PRDM16: variants seen among roughly 807,000 people sequenced by gnomAD.
PRDM16 encodes histone-lysine N-methyltransferase PRDM16.
A neutral mutation model predicts 110.6 loss-of-function variants in PRDM16; 23 were observed. The ratio of observed to expected loss-of-function variants is 0.21; its 90% confidence interval spans 0.15 to 0.29. The LOEUF is 0.29. PRDM16 is among the 10% of genes least tolerant of loss of function. The probability of loss-of-function intolerance (pLI) is 1.00; values close to 1 mark genes in which losing one functional copy is unlikely to be tolerated. For synonymous variants in PRDM16, 799 were observed against 781.8 expected (o/e 1.02, Z -0.37); for missense variants, 1,615 against 1,794.3 (o/e 0.90, Z 1.81).
chr1:3,204,783 G>C (rs554555188), intron 2 of PRDM16, among the ~76,000 whole-genome samples: 1 of 152,348 alleles, frequency 6.6e-6, no homozygotes, highest in South Asian at 2.1e-4. Flanking sequence ...ACCCTTGAAG[G>C]CCCTTGGGAG....
rs1370411671 is a variant in PRDM16, at chr1:3,085,137, T to C, written c.37+15841T>C. 3.3e-5 allele frequency among the ~76,000 whole-genome samples: 5 copies of C among 152,166 alleles called. No homozygotes were observed. In the East Asian group the frequency reaches 9.6e-4, roughly 29 times the overall value. ...CCCCAGGCTGGTGCCCAGGACCTAC[T>C]CCGACCTAGAACGTTCGTGCAGGTG... is the stretch of plus-strand genomic sequence containing the variant. On this transcript the variant is annotated intron_variant, in intron 1 of 16. Transcript: ENST00000270722.
chr1:3,146,506 A>AGT, intron 1 of PRDM16, among the ~76,000 whole-genome samples: 1 of 136,832 alleles, frequency 7.3e-6, no homozygotes, highest in Non-Finnish European at 1.6e-5. Flanking sequence ...TATGTGTGCA[A>AGT]GTGTGTGTGC....
chr1:3,396,326 G>A (rs796496297), intron 4 of PRDM16, 165 bp from the exon 5 acceptor site: 6 of 690,830 alleles, frequency 8.7e-6, no homozygotes, highest in Middle Eastern at 2.3e-4. Flanking sequence ...TTCCTTCTGC[G>A]CATACTCTGC....
intron 3 of PRDM16, among the ~76,000 whole-genome samples, chr1:3,362,035 G>A (rs1642722874): frequency 6.6e-6 from 1 of 152,134 alleles, no homozygotes; most frequent in Non-Finnish European, 1.5e-5. Context: ...AGTGACTGTG[G>A]CCCGGGAGGG....
At chr1:3,072,911 G>A (rs1416573289) in intron 1 of PRDM16, among the ~76,000 whole-genome samples, 2 of 152,278 alleles carry the variant, frequency 1.3e-5, no homozygotes, top group Non-Finnish European at 2.9e-5. Flanking sequence ...CTGCGCAGGT[G>A]TGCCATGGCT....
chr1:3,204,786 C>G (rs1333432226), intron 2 of PRDM16, among the ~76,000 whole-genome samples: 1 of 152,152 alleles, frequency 6.6e-6, no homozygotes, highest in African/African-American at 2.4e-5. Flanking sequence ...CTTGAAGGCC[C>G]TTGGGAGTGA....
chr1:3,111,377 G>A (rs1642788128), intron 1 of PRDM16, among the ~76,000 whole-genome samples: 1 of 147,288 alleles, frequency 6.8e-6, no homozygotes, highest in Non-Finnish European at 1.5e-5. Flanking sequence ...GGTGCTGGGG[G>A]GAAGTCCACA....
intron 2 of PRDM16, among the ~76,000 whole-genome samples, chr1:3,230,824 G>T (rs985030631): frequency 6.6e-6 from 1 of 152,240 alleles, no homozygotes; most frequent in African/African-American, 2.4e-5. Context: ...GGCACCATGA[G>T]GCATTCGAAG....
chr1:3,174,031 G>A (rs1644058552), intron 1 of PRDM16, among the ~76,000 whole-genome samples: 1 of 152,208 alleles, frequency 6.6e-6, no homozygotes, highest in African/African-American at 2.4e-5. Flanking sequence ...AAACTGGATG[G>A]ACTGAAACAA....
At position 3,114,283 on chromosome 1, in the gene PRDM16, C is replaced by T. The variant is rs556948539; in HGVS notation, c.37+44987C>T. Among the ~76,000 whole-genome samples the T allele has an allele frequency of 2.9e-4, 42 of 143,374 alleles. 1 individual carries two copies. In the South Asian group the frequency reaches 8.1e-3, roughly 28 times the overall value. The allele number at this position is 143,374 out of a possible 152,430, so 94.1% of individuals were successfully genotyped here. ...GCGCACACGTACACACACGCACACA[C>T]GCAGTGGAAACGCACACGCACGCAC... On this transcript the variant is annotated intron_variant, in intron 1 of 16. Transcript: ENST00000270722.
chr1:3,436,701 T>C lies in PRDM16; in HGVS notation c.*2890T>C. 4.3e-6 allele frequency: 1 copy of C among 230,316 alleles called. No individual in the cohort carries two copies. Among genetic ancestry groups the C allele is most frequent in the Non-Finnish European group, 8.6e-6 (1 of 116,536 alleles). 14.3% of individuals were successfully genotyped at this position (230,316 alleles called of 1,614,324 possible). A position where few individuals can be genotyped will look rare whatever the true frequency, so the allele number is the denominator to read the frequency against. ...CAAGGGCCAGGGAGCCTGGCCCGGG[T>C]GTGAGAATTCAGAGATTCTGGCCTC... On this transcript the variant is annotated 3_prime_UTR_variant, in exon 17 of 17. Coordinates refer to ENST00000270722, the MANE Select transcript of PRDM16 (RefSeq NM_022114.4).
chr1:3,280,670 C>A (rs534173747), intron 3 of PRDM16, among the ~76,000 whole-genome samples: 5 of 152,346 alleles, frequency 3.3e-5, no homozygotes, highest in African/African-American at 7.2e-5. Context: ...AGAACTAAGA[C>A]CTTCTCTGAG....
At chr1:3,085,938 G>A (rs1266655787) in intron 1 of PRDM16, among the ~76,000 whole-genome samples, 1 of 152,234 alleles carries the variant, frequency 6.6e-6, no homozygotes, top group South Asian at 2.1e-4. Flanking sequence ...CCCCACTCAC[G>A]TGGGTTCACG....
At chr1:3,222,752 T>C (rs1391110709) in intron 2 of PRDM16, among the ~76,000 whole-genome samples, 1 of 152,180 alleles carries the variant, frequency 6.6e-6, no homozygotes, top group Non-Finnish European at 1.5e-5. Flanking sequence ...AGCATCCCCA[T>C]TCCCAGCACT....
At chr1:3,210,484 GCGTGCACGCGTGTGTC>G (rs1253866779) in intron 2 of PRDM16, among the ~76,000 whole-genome samples, 1 of 152,264 alleles carries the variant, frequency 6.6e-6, no homozygotes, top group Non-Finnish European at 1.5e-5. Context: ...GGAAGTGTGT[GCGTGCACGCGTGTGTC>G]TGTGCACGCG....
intron 3 of PRDM16, among the ~76,000 whole-genome samples, chr1:3,248,265 G>A (rs1392520153): frequency 6.6e-6 from 1 of 152,148 alleles, no homozygotes; most frequent in Non-Finnish European, 1.5e-5. Context: ...TTCAATCTCT[G>A]GCGATATGAA....
At position 3,366,932 on chromosome 1, in the gene PRDM16, G is replaced by A. The variant is rs573449048; in HGVS notation, c.439-18220G>A. On this transcript the variant is annotated intron_variant, in intron 3 of 16. Coordinates refer to ENST00000270722, the MANE Select transcript of PRDM16 (RefSeq NM_022114.4). ...TGAGGGGGCTGCACGTGCGTGTTTTGTTTTGCTAGGCTTTGTTTTCAGGAT... is the reference window on the plus strand; with the variant it reads ...TGAGGGGGCTGCACGTGCGTGTTTTATTTTGCTAGGCTTTGTTTTCAGGAT... 1.3e-4 allele frequency among the ~76,000 whole-genome samples: 20 copies of A among 152,136 alleles called. 1 individual carries two copies. The highest frequency in any genetic ancestry group is 2.6e-4 in the Non-Finnish European group (18 of 68,028).
At chr1:3,215,014 G>A (rs900599375) in intron 2 of PRDM16, among the ~76,000 whole-genome samples, 4 of 152,150 alleles carry the variant, frequency 2.6e-5, no homozygotes, top group Non-Finnish European at 4.4e-5. Context: ...CCTGTGTGTG[G>A]GGATTGTGTG....
intron 1 of PRDM16, among the ~76,000 whole-genome samples, chr1:3,105,145 C>T (rs1438355324): frequency 6.6e-6 from 1 of 152,160 alleles, no homozygotes; most frequent in Non-Finnish European, 1.5e-5. Context: ...TGAGCCCTCC[C>T]CACGATGGCC....
Sources: allele counts gnomAD v4.1 joint callset (sites outside exome capture counted in the v4.1 genomes callset), GRCh38; gene constraint gnomAD v4.1.1; transcripts MANE v1.5; gene names NCBI Gene and HGNC (gene_info 2026-07-23, HGNC 2026-07-21).